PIEZO2: variants seen among roughly 807,000 people sequenced by gnomAD.
The protein encoded by PIEZO2 is piezo type mechanosensitive ion channel component 2, also known as piezo-type mechanosensitive ion channel component 2.
In PIEZO2, 172 loss-of-function variants were observed where a neutral mutation model predicts 337.3. The observed-to-expected ratio is 0.51, with a 90% CI of 0.45 to 0.58. The LOEUF (loss-of-function observed/expected upper bound fraction) is 0.58. Ranked by LOEUF, PIEZO2 falls within the 20% of genes least tolerant of loss-of-function variation. The probability of loss-of-function intolerance (pLI) is 0.00; values close to 1 mark genes in which losing one functional copy is unlikely to be tolerated. For synonymous variants in PIEZO2, 1,251 were observed against 1,228.5 expected (o/e 1.02, Z -0.38); for missense variants, 3,028 against 3,391.3 (o/e 0.89, Z 2.66).
chr18:10,693,935 C>G (rs1357294806), intron 47 of PIEZO2, among the ~76,000 whole-genome samples: 1 of 152,076 alleles, frequency 6.6e-6, no homozygotes, highest in Admixed American at 6.6e-5. Context: ...TCACAACACT[C>G]TCATGAAAAA....
chr18:10,725,806 C>T (rs1311901513), intron 36 of PIEZO2, among the ~76,000 whole-genome samples: 6 of 152,206 alleles, frequency 3.9e-5, no homozygotes, highest in African/African-American at 1.4e-4. Context: ...AACCACCACG[C>T]GGGCCCTCCA....
chr18:10,845,957 CA>C (rs1201718373), intron 7 of PIEZO2, among the ~76,000 whole-genome samples: 1 of 152,158 alleles, frequency 6.6e-6, no homozygotes, highest in East Asian at 1.9e-4. Flanking sequence ...AGTTCCTAAG[CA>C]GAGCTTCATA....
intron 2 of PIEZO2, among the ~76,000 whole-genome samples, chr18:11,024,260 A>G (rs1433667788): frequency 6.6e-6 from 1 of 152,134 alleles, no homozygotes; most frequent in Non-Finnish European, 1.5e-5. Context: ...AAAAAAATCA[A>G]GTAGGCCGGG....
Position 10,877,168 on chromosome 18 carries a change from C to A in PIEZO2, c.330-5753G>T, listed in dbSNP as rs1348865243. Among the ~76,000 whole-genome samples the A allele has an allele frequency of 6.6e-6, 1 of 152,084 alleles. No individual in the cohort carries two copies. The highest frequency in any genetic ancestry group is 2.4e-5 in the African/African-American group (1 of 41,390). ...AAAATTCTGTTCTTCATTTATTTTT[C>A]TTCTCACTCTACAAGATCACCCTGG... On this transcript the variant is annotated intron_variant, in intron 4 of 55. Transcript: ENST00000674853. This position sits in a 1 kb window ranked among gnomAD's most constrained non-coding sequence, Gnocchi z 5.3.
Position 10,784,732 on chromosome 18 carries a change from G to A in PIEZO2, c.2492+52C>T. 7.5e-7 allele frequency: 1 copy of A among 1,339,710 alleles called. No individual in the cohort carries two copies. The highest frequency in any genetic ancestry group is 3.2e-5 in the Admixed American group (1 of 30,962). The allele number at this position is 1,339,710 out of a possible 1,614,324, so 83.0% of individuals were successfully genotyped here. A position where few individuals can be genotyped will look rare whatever the true frequency, so the allele number is the denominator to read the frequency against. On this transcript the variant is annotated intron_variant, in intron 17 of 55. Coordinates refer to ENST00000674853, the MANE Select transcript of PIEZO2 (RefSeq NM_001378183.1). This position sits in a 1 kb window ranked among gnomAD's most constrained non-coding sequence, Gnocchi z 4.5. The stretch of plus-strand genomic sequence containing the variant: ...AAGGTGGCCAACCTAAGGTAGGGTT[G>A]AAGAGCTGCCTTCCTGCTAATAAGA...
At chr18:10,947,659 A>G (rs182404151) in intron 3 of PIEZO2, among the ~76,000 whole-genome samples, 1 of 140,744 alleles carries the variant, frequency 7.1e-6, no homozygotes, top group East Asian at 1.9e-4. Flanking sequence ...GGTACAAAAG[A>G]CAGAAAGGGC....
At chr18:11,000,129 A>G (rs998511643) in intron 2 of PIEZO2, among the ~76,000 whole-genome samples, 13 of 152,320 alleles carry the variant, frequency 8.5e-5, no homozygotes, top group Admixed American at 6.5e-5. Context: ...CTCTGGGAAC[A>G]TCACAAAAGC....
In PIEZO2 at chr18:10,705,679, C is replaced by T. The variant is rs1359281832; in HGVS notation, c.5656G>A (p.Ala1886Thr). Reference sequence around the variant, plus strand: ...CTCCCTGCCTCCTCCTCCTGCTCAGCCTCCACCTCCTCGATGGTCTCAGTG... The same window carrying T: ...CTCCCTGCCTCCTCCTCCTGCTCAGTCTCCACCTCCTCGATGGTCTCAGTG... ...GTTETIEEVE[A>T]EQEEEAGSTA... Residue 1886 changes from alanine to threonine, a missense_variant, in exon 41 of 56, where the codon GCT becomes ACT. Ala to Thr is a moderately conservative substitution (Grantham distance 58, BLOSUM62 0). This residue lies in a region of PIEZO2 where 1,925 missense variants were observed against 2,051.9 expected (regional missense o/e 0.94). Coordinates refer to ENST00000674853, the MANE Select transcript of PIEZO2 (RefSeq NM_001378183.1). 9 of 1,536,984 alleles carry T rather than the reference C, an allele frequency of 5.9e-6. No homozygotes were observed. Among genetic ancestry groups the T allele is most frequent in the Non-Finnish European group, 7.8e-6 (9 of 1,146,902 alleles).
intron 3 of PIEZO2, among the ~76,000 whole-genome samples, chr18:10,915,780 C>T (rs557725476): frequency 6.6e-6 from 1 of 152,266 alleles, no homozygotes; most frequent in South Asian, 2.1e-4. Flanking sequence ...CTGTGTTCTG[C>T]GTCCAGAATT....
At chr18:10,814,428 T>C (rs571327573) in intron 7 of PIEZO2, among the ~76,000 whole-genome samples, 3 of 152,332 alleles carry the variant, frequency 2.0e-5, no homozygotes, top group African/African-American at 7.2e-5. Flanking sequence ...TGTATTTTAA[T>C]AATCTTCTCA....
chr18:11,084,700 T>C (rs201162604), intron 1 of PIEZO2, among the ~76,000 whole-genome samples: 2 of 152,284 alleles, frequency 1.3e-5, no homozygotes, highest in Non-Finnish European at 1.5e-5. Flanking sequence ...TTTCAGATGA[T>C]AAAAACTCCA....
intron 7 of PIEZO2, among the ~76,000 whole-genome samples, chr18:10,823,009 A>G (rs1023690322): frequency 2.0e-5 from 3 of 152,196 alleles, no homozygotes; most frequent in African/African-American, 7.2e-5. Context: ...TCTTAATACT[A>G]AGATGATTTG....
chr18:10,941,274 C>T (rs978054686), intron 3 of PIEZO2, among the ~76,000 whole-genome samples: 8 of 152,096 alleles, frequency 5.3e-5, no homozygotes, highest in East Asian at 1.9e-4. Context: ...ATAGCAGGCT[C>T]GCACTCTAGA....
intron 2 of PIEZO2, among the ~76,000 whole-genome samples, chr18:10,984,478 T>G (rs2034791929): frequency 6.6e-6 from 1 of 152,058 alleles, no homozygotes; most frequent in Non-Finnish European, 1.5e-5. Flanking sequence ...ACAGCAAACT[T>G]GATCAAGCAG....
Position 10,856,989 on chromosome 18 carries a change from G to A in PIEZO2, c.703+12C>T, listed in dbSNP as rs2041723092. 1 of 1,536,592 alleles carries A rather than the reference G, an allele frequency of 6.5e-7. No homozygotes were observed. The highest frequency in any genetic ancestry group is 8.7e-7 in the Non-Finnish European group (1 of 1,146,560). On this transcript the variant is annotated intron_variant, in intron 6 of 55. Coordinates refer to ENST00000674853, the MANE Select transcript of PIEZO2 (RefSeq NM_001378183.1). This position sits in a 1 kb window ranked among gnomAD's most constrained non-coding sequence, Gnocchi z 4.7. Reference sequence around the variant, plus strand: ...CCTTTTGCTACGTGCAGCCAGTGTGGGAGACACTCACCCGAGGAGCCCAGT... The same window carrying A: ...CCTTTTGCTACGTGCAGCCAGTGTGAGAGACACTCACCCGAGGAGCCCAGT...
chr18:10,804,114 C>T (rs935033510), intron 8 of PIEZO2, 120 bp from the exon 9 acceptor site: 15 of 1,197,522 alleles, frequency 1.3e-5, no homozygotes, highest in Admixed American at 2.9e-5. Context: ...TGAATGTTTA[C>T]AATATACAGG....
intron 1 of PIEZO2, among the ~76,000 whole-genome samples, chr18:11,075,544 C>T (rs1220014584): frequency 6.6e-6 from 1 of 152,320 alleles, no homozygotes; most frequent in African/African-American, 2.4e-5. Flanking sequence ...ACATTCTCTT[C>T]CTCTCCCCCT....
intron 3 of PIEZO2, among the ~76,000 whole-genome samples, chr18:10,977,275 AT>A (rs968817782): frequency 6.6e-6 from 1 of 151,136 alleles, no homozygotes; most frequent in African/African-American, 2.4e-5. Flanking sequence ...AGCAACCTAA[AT>A]TTTTTTGCAG....
At chr18:11,091,260 T>G (rs1391425283) in intron 1 of PIEZO2, among the ~76,000 whole-genome samples, 1 of 151,652 alleles carries the variant, frequency 6.6e-6, no homozygotes, top group African/African-American at 2.4e-5. Context: ...GGCACGCGCC[T>G]GTAATCCCAG....
Sources: allele counts gnomAD v4.1 joint callset (sites outside exome capture counted in the v4.1 genomes callset), GRCh38; gene constraint gnomAD v4.1.1; regional missense constraint gnomAD v4.1.1; non-coding constraint Gnocchi (gnomAD v3.1); transcripts MANE v1.5; gene names NCBI Gene and HGNC (gene_info 2026-07-23, HGNC 2026-07-21).